The following PTPRN2 variants were observed in gnomAD, a reference collection of about 807,000 sequenced individuals.
PTPRN2 encodes the protein receptor-type tyrosine-protein phosphatase N2.
Under a neutral mutation model 118.8 loss-of-function variants are expected in PTPRN2, and 74 were observed. That is an observed-to-expected ratio of 0.62 (90% CI 0.52 to 0.76). The LOEUF (loss-of-function observed/expected upper bound fraction) is 0.76, where lower values mean the gene tolerates loss of function less well. Ranked by LOEUF, PTPRN2 falls within the 30% of genes least tolerant of loss-of-function variation. The probability of loss-of-function intolerance (pLI) is 0.00; values close to 1 mark genes in which losing one functional copy is unlikely to be tolerated. For synonymous variants in PTPRN2, 641 were observed against 608.0 expected (o/e 1.05, Z -0.80); for missense variants, 1,481 against 1,394.4 (o/e 1.06, Z -0.99).
chr7:157,899,287 T>C (rs1365994121), intron 11 of PTPRN2, among the ~76,000 whole-genome samples: 1 of 152,124 alleles, frequency 6.6e-6, no homozygotes, highest in Non-Finnish European at 1.5e-5. Flanking sequence ...TCTCCTGATG[T>C]AGAATGAGGA....
Position 158,120,020 on chromosome 7 carries a change from C to G in PTPRN2, c.1557-9105G>C, listed in dbSNP as rs547306905. ...ACCAAAAGTAGAATATTATTTAGCC[C>G]TGAACAGGAAGAAATTCAGACACAT... On this transcript the variant is annotated intron_variant, in intron 9 of 22. Coordinates refer to ENST00000389418, the MANE Select transcript of PTPRN2 (RefSeq NM_002847.5). 2.6e-5 allele frequency among the ~76,000 whole-genome samples: 4 copies of G among 152,298 alleles called. No individual in the cohort carries two copies. In the South Asian group the frequency reaches 8.3e-4, roughly 32 times the overall value.
At chr7:157,731,555 C>T (rs1585326106) in intron 12 of PTPRN2, among the ~76,000 whole-genome samples, 1 of 132,976 alleles carries the variant, frequency 7.5e-6, no homozygotes, top group Non-Finnish European at 1.7e-5. Context: ...TACCCTTTCC[C>T]GTCCCATGCG....
intron 2 of PTPRN2, among the ~76,000 whole-genome samples, chr7:158,453,047 G>A (rs1818199392): frequency 6.6e-6 from 1 of 152,040 alleles, no homozygotes; most frequent in Non-Finnish European, 1.5e-5. Flanking sequence ...ACTAAATGTT[G>A]GCTAACACAG....
intron 13 of PTPRN2, among the ~76,000 whole-genome samples, chr7:157,658,891 G>T (rs1010936345): frequency 6.6e-6 from 1 of 152,074 alleles, no homozygotes; most frequent in Non-Finnish European, 1.5e-5. Flanking sequence ...GGTGGTGTCC[G>T]GGGGAGGCCA....
At chr7:158,472,171 G>A (rs1819908940) in intron 2 of PTPRN2, among the ~76,000 whole-genome samples, 1 of 152,176 alleles carries the variant, frequency 6.6e-6, no homozygotes, top group Non-Finnish European at 1.5e-5. Flanking sequence ...ACAAATCAAA[G>A]TCACCGTGGG....
chr7:157,919,457 GAGA>G (rs1462248659), intron 11 of PTPRN2, among the ~76,000 whole-genome samples: 2 of 152,146 alleles, frequency 1.3e-5, no homozygotes, highest in South Asian at 2.1e-4. Flanking sequence ...GATGATAAGA[GAGA>G]AGGACAGTAA....
chr7:157,642,808 A>G (rs1214917740), intron 14 of PTPRN2, among the ~76,000 whole-genome samples: 1 of 135,122 alleles, frequency 7.4e-6, no homozygotes, highest in African/African-American at 2.8e-5. Context: ...CCAAGTCAAG[A>G]AACAGCAAAA....
At chr7:158,195,671 T>G in intron 4 of PTPRN2, among the ~76,000 whole-genome samples, 1 of 152,076 alleles carries the variant, frequency 6.6e-6, no homozygotes, top group East Asian at 1.9e-4. Context: ...TTCCTATTGC[T>G]GTGTCTTCAA....
At chr7:158,515,327 C>G (rs1823467991) in intron 1 of PTPRN2, among the ~76,000 whole-genome samples, 1 of 152,012 alleles carries the variant, frequency 6.6e-6, no homozygotes, top group African/African-American at 2.4e-5. Flanking sequence ...GCTGGGATTA[C>G]AGGCACGTGC....
rs897173481 is a variant in PTPRN2, at chr7:157,603,589, C to A, written c.2418+413G>T. On this transcript the variant is annotated intron_variant, in intron 16 of 22. Transcript: ENST00000389418. This position sits in a 1 kb window ranked among gnomAD's most constrained non-coding sequence, Gnocchi z 5.4. ...AAACGAACCTGAAATTCTGGACCTG[C>A]CTCCAAGCCACTGATTGTTACAAAA... Among the ~76,000 whole-genome samples the A allele has an allele frequency of 6.6e-6, 1 of 152,194 alleles. No homozygotes were observed. The highest frequency in any genetic ancestry group is 1.5e-5 in the Non-Finnish European group (1 of 68,030).
chr7:158,080,314 CAAAAAAAAAAA>C (rs556546951), intron 11 of PTPRN2, among the ~76,000 whole-genome samples: 10 of 72,226 alleles, frequency 1.4e-4, no homozygotes, highest in Admixed American at 5.4e-4. Context: ...CAAATTTAAG[CAAAAAAAAAAA>C]AAAAAAAAAA....
chr7:158,488,226 T>A (rs2129445298), intron 2 of PTPRN2, among the ~76,000 whole-genome samples: 1 of 152,300 alleles, frequency 6.6e-6, no homozygotes, highest in South Asian at 2.1e-4. Flanking sequence ...TTCTTAAGGC[T>A]GCCTCCAAAT....
rs937045296 is a variant in PTPRN2, at chr7:157,831,967, G to T, written c.1788+66706C>A. On this transcript the variant is annotated intron_variant, in intron 12 of 22. Transcript: ENST00000389418. The surrounding 1 kb of genome is among the most constrained non-coding windows in gnomAD (Gnocchi z 4.8). ...AAGAAGTTTGTCTGGCAGTTGCTTC[G>T]TCTGCATGAGGAGTGACGGCTGGGC... 1.3e-5 allele frequency among the ~76,000 whole-genome samples: 2 copies of T among 152,236 alleles called. No individual in the cohort carries two copies. Among genetic ancestry groups the T allele is most frequent in the South Asian group, 4.1e-4 (2 of 4,832 alleles).
At chr7:157,567,657 G>A (rs1398896146) in intron 21 of PTPRN2, among the ~76,000 whole-genome samples, 1 of 152,162 alleles carries the variant, frequency 6.6e-6, no homozygotes, top group Non-Finnish European at 1.5e-5. Flanking sequence ...CACTGGGCCA[G>A]TGATGGAGAA....
rs545852813 is a variant in PTPRN2 at position 158,110,798 on chromosome 7, CCA to C, written c.1643+29_1643+30del. 1.0e-5 allele frequency: 16 copies of C among 1,551,186 alleles called. No homozygotes were observed. In the Admixed American group the frequency reaches 2.7e-4, roughly 26 times the overall value. ...AGTCTCTGCGACCAAGCAACAGGAG[CCA>C]AACAGAAACCCCAGGGCCCCGTACT... On this transcript the variant is annotated intron_variant, in intron 10 of 22. Transcript: ENST00000389418.
rs565104772 is a variant in PTPRN2 at position 157,622,236 on chromosome 7, A to G, written c.2197-727T>C. Among the ~76,000 whole-genome samples, 1 of 152,138 alleles carries G rather than the reference A, an allele frequency of 6.6e-6. No homozygotes were observed. Among genetic ancestry groups the G allele is most frequent in the African/African-American group, 2.4e-5 (1 of 41,532 alleles). On this transcript the variant is annotated intron_variant, in intron 14 of 22. Transcript: ENST00000389418. This position sits in a 1 kb window ranked among gnomAD's most constrained non-coding sequence, Gnocchi z 5.3. The stretch of plus-strand genomic sequence containing the variant: ...CCAGCTGCACTATGGCACCACAGGA[A>G]GTGACGGCCTCGTCTGCTGTCACTC...
chr7:158,528,649 C>T (rs1461657495), intron 1 of PTPRN2, among the ~76,000 whole-genome samples: 1 of 151,488 alleles, frequency 6.6e-6, no homozygotes, highest in African/African-American at 2.4e-5. Flanking sequence ...AAAAAATTAG[C>T]CAGGTGTGGT....
At chr7:157,835,478 C>CAA (rs745362560) in intron 12 of PTPRN2, among the ~76,000 whole-genome samples, 2 of 152,232 alleles carry the variant, frequency 1.3e-5, no homozygotes, top group Non-Finnish European at 2.9e-5. Flanking sequence ...ACGAGCAAAG[C>CAA]ACAAAAGATG....
At chr7:157,580,947 C>T (rs1217257677) in intron 17 of PTPRN2, among the ~76,000 whole-genome samples, 2 of 140,826 alleles carry the variant, frequency 1.4e-5, no homozygotes, top group Non-Finnish European at 3.1e-5. Flanking sequence ...CACCCCAGCC[C>T]CTGCACACCC....
Sources: gnomAD v4.1 joint callset for allele counts (sites outside exome capture counted in the v4.1 genomes callset) on GRCh38, gnomAD v4.1.1 for gene constraint, Gnocchi (gnomAD v3.1) non-coding constraint, MANE v1.5 for transcripts, NCBI Gene and HGNC (gene_info 2026-07-23, HGNC 2026-07-21) for gene names.